Variants in ADAMTSL1 observed in about 807,000 individuals in gnomAD.
ADAMTSL1 encodes ADAMTS like 1.
A neutral mutation model predicts 201.8 loss-of-function variants in ADAMTSL1; 126 were observed. That is an observed-to-expected ratio of 0.62 (90% CI 0.54 to 0.72). The LOEUF (loss-of-function observed/expected upper bound fraction) is 0.72, where lower values mean the gene tolerates loss of function less well. Ranked by LOEUF, ADAMTSL1 falls within the 30% of genes least tolerant of loss-of-function variation. The pLI is 0.00. For missense variants in ADAMTSL1, 2,679 were observed against 2,277.8 expected (o/e 1.18, Z -3.59); for synonymous variants, 1,121 against 903.4 (o/e 1.24, Z -4.32).
At chr9:18,655,999 G>C (rs1236220494) in intron 7 of ADAMTSL1, among the ~76,000 whole-genome samples, 1 of 151,936 alleles carries the variant, frequency 6.6e-6, no homozygotes, top group African/African-American at 2.4e-5. Flanking sequence ...AGTAGGGAAT[G>C]GTATCACTGT....
chr9:18,821,515 G>A (rs1433619413), intron 21 of ADAMTSL1, among the ~76,000 whole-genome samples: 1 of 152,172 alleles, frequency 6.6e-6, no homozygotes, highest in Non-Finnish European at 1.5e-5. Flanking sequence ...ACATGGCCAC[G>A]CACAACTACA....
At chr9:18,673,491 C>T (rs535965256) in intron 9 of ADAMTSL1, among the ~76,000 whole-genome samples, 11 of 152,336 alleles carry the variant, frequency 7.2e-5, no homozygotes, top group African/African-American at 2.6e-4. Context: ...TATAGTTTTG[C>T]TGAATCCAGG....
chr9:17,984,011 A>T (rs1271762545), intron 1 of ADAMTSL1, among the ~76,000 whole-genome samples: 3 of 152,196 alleles, frequency 2.0e-5, no homozygotes, highest in African/African-American at 7.2e-5. Context: ...TAAGAGATTT[A>T]TAAAATAAGT....
At chr9:18,384,818 G>A (rs1278731915) in intron 2 of ADAMTSL1, among the ~76,000 whole-genome samples, 2 of 152,200 alleles carry the variant, frequency 1.3e-5, no homozygotes, top group East Asian at 3.9e-4. Context: ...TGTGCTTAAT[G>A]AGCTCTCCTG....
chr9:18,753,544 T>A (rs777416225), intron 16 of ADAMTSL1, 36 bp downstream of exon 16: 6 of 1,577,780 alleles, frequency 3.8e-6, no homozygotes, highest in Non-Finnish European at 5.1e-6. Context: ...GGAGCTTTTG[T>A]TTGCAACAGT....
At chr9:18,806,528 G>A (rs117487374) in intron 20 of ADAMTSL1, among the ~76,000 whole-genome samples, 2,312 of 152,322 alleles carry the variant, frequency 0.015, 36 homozygotes, top group South Asian at 0.08. Context: ...AGTAAACAGT[G>A]CTTACAATGC....
rs1024273769 is a variant in ADAMTSL1 at position 18,072,815 on chromosome 9, T to C, written c.88-91047T>C. Among the ~76,000 whole-genome samples the C allele has an allele frequency of 2.0e-5, 3 of 152,222 alleles. No individual in the cohort carries two copies. The East Asian group carries it at 5.8e-4, about 29-fold the overall frequency. On this transcript the variant is annotated intron_variant, in intron 1 of 29. Coordinates refer to the ADAMTSL1 transcript ENST00000680146. Reference sequence around the variant, plus strand: ...AAGAATAGTGGAGTTTTCCAGTTCATGCTATCAGGAACTGATGTGTAGAAT... The same window carrying C: ...AAGAATAGTGGAGTTTTCCAGTTCACGCTATCAGGAACTGATGTGTAGAAT...
chr9:18,366,970 G>A (rs1836795772), intron 2 of ADAMTSL1, among the ~76,000 whole-genome samples: 1 of 151,950 alleles, frequency 6.6e-6, no homozygotes, highest in Non-Finnish European at 1.5e-5. Context: ...TACTCTTTTT[G>A]TCTCATTAAA....
chr9:18,332,450 A>G (rs1191139469), intron 2 of ADAMTSL1, among the ~76,000 whole-genome samples: 1 of 150,562 alleles, frequency 6.6e-6, no homozygotes, highest in African/African-American at 2.4e-5. Flanking sequence ...GCACCAGTCC[A>G]GTTTTCCTCC....
rs777081174 is a variant in ADAMTSL1 at position 18,777,172 on chromosome 9, T to C, written c.2943T>C (p.Leu981=). Residue 981 remains leucine, a synonymous_variant, in exon 19 of 29, where the codon CTT becomes CTC. Transcript: ENST00000380548. ...GCCCGAGAAGTGAGGAAGAGGTGCT[T>C]GCGGGGAGGAAGGGCGGCCCGAAGG... ...PLSPRSEEEV[L]AGRKGGPKEA... 25 of 1,612,722 alleles carry C rather than the reference T, an allele frequency of 1.6e-5. No homozygotes were observed. The South Asian group carries it at 1.8e-4, about 11-fold the overall frequency.
chr9:18,677,866 A>T (rs1008245492), intron 10 of ADAMTSL1, among the ~76,000 whole-genome samples: 3 of 151,960 alleles, frequency 2.0e-5, no homozygotes, highest in Non-Finnish European at 4.4e-5. Flanking sequence ...ATAGATATTC[A>T]GCTTTATTGG....
At chr9:18,556,242 T>C (rs1435321217) in intron 3 of ADAMTSL1, among the ~76,000 whole-genome samples, 2 of 151,976 alleles carry the variant, frequency 1.3e-5, no homozygotes, top group African/African-American at 4.8e-5. Flanking sequence ...AATAAAAGCT[T>C]GACTTATGGT....
chr9:18,680,201 C>A (rs996967886), intron 10 of ADAMTSL1, 111 bp from the exon 11 acceptor site: 2 of 1,124,774 alleles, frequency 1.8e-6, no homozygotes, highest in African/African-American at 1.6e-5. Context: ...GGACCTTAGC[C>A]TCTCAGAACC....
intron 2 of ADAMTSL1, among the ~76,000 whole-genome samples, chr9:18,195,539 A>T (rs1453380468): frequency 1.3e-5 from 2 of 152,142 alleles, no homozygotes; most frequent in South Asian, 2.1e-4. Context: ...GTTTCCAGGG[A>T]CATAGTCAAA....
chr9:18,906,385 C>T (rs1830313118), intron 27 of ADAMTSL1, among the ~76,000 whole-genome samples: 1 of 152,188 alleles, frequency 6.6e-6, no homozygotes, highest in Admixed American at 6.5e-5. Context: ...ACCACCCCCA[C>T]CTAAGAGCCC....
At chr9:18,306,088 C>A (rs1007873214) in intron 2 of ADAMTSL1, among the ~76,000 whole-genome samples, 1 of 152,272 alleles carries the variant, frequency 6.6e-6, no homozygotes, top group East Asian at 1.9e-4. Context: ...ATCCAGCAGA[C>A]CTGCAGCAGA....
chr9:18,650,170 T>TCTGTGGGCGTGGGACCCTCTGAG (rs1828134205), intron 7 of ADAMTSL1, among the ~76,000 whole-genome samples: 3 of 152,188 alleles, frequency 2.0e-5, no homozygotes, highest in African/African-American at 7.2e-5. Context: ...TCAGTGAGAC[T>TCTGTGGGCGTGGGACCCTCTGAG]CCGTGGGCGT....
At chr9:18,152,348 C>G (rs1826952552) in intron 1 of ADAMTSL1, among the ~76,000 whole-genome samples, 1 of 152,044 alleles carries the variant, frequency 6.6e-6, no homozygotes, top group East Asian at 1.9e-4. Flanking sequence ...AGGCACAGGG[C>G]ACTGCAAAGT....
intron 2 of ADAMTSL1, among the ~76,000 whole-genome samples, chr9:18,460,604 C>T (rs1317544502): frequency 6.6e-6 from 1 of 152,086 alleles, no homozygotes; most frequent in African/African-American, 2.4e-5. Flanking sequence ...ATTCATTTTC[C>T]AAATTTTACT....
Sources: allele counts gnomAD v4.1 joint callset (sites outside exome capture counted in the v4.1 genomes callset), GRCh38; gene constraint gnomAD v4.1.1; transcripts MANE v1.5; gene names NCBI Gene and HGNC (gene_info 2026-07-23, HGNC 2026-07-21).